The following CNTN6 variants were observed in gnomAD, a reference collection of about 807,000 sequenced individuals.
The protein encoded by CNTN6 is contactin-6.
In CNTN6, 137 loss-of-function variants were observed where a neutral mutation model predicts 122.8. The ratio of observed to expected loss-of-function variants is 1.12; its 90% confidence interval spans 0.97 to 1.29. The LOEUF (loss-of-function observed/expected upper bound fraction) is 1.29, where lower values mean the gene tolerates loss of function less well. Ranked by LOEUF, CNTN6 falls within the 50% of genes most tolerant of loss-of-function variation. The pLI is 0.00. For synonymous variants in CNTN6, 570 were observed against 426.0 expected (o/e 1.34, Z -4.16); for missense variants, 1,634 against 1,223.4 (o/e 1.34, Z -5.01).
intron 1 of CNTN6, among the ~76,000 whole-genome samples, chr3:1,145,043 A>G (rs79982201): frequency 0.032 from 4,929 of 152,210 alleles, 124 homozygotes; most frequent in Admixed American, 0.046. Context: ...ATTTGGGTCT[A>G]TGTGTATTAT....
intron 2 of CNTN6, among the ~76,000 whole-genome samples, chr3:1,158,508 C>T (rs1398327037): frequency 1.3e-5 from 2 of 151,908 alleles, no homozygotes; most frequent in Non-Finnish European, 2.9e-5. Flanking sequence ...TTGATTGTTT[C>T]CTTTTCTATA....
chr3:1,351,439 T>C (rs1575818066), intron 11 of CNTN6, among the ~76,000 whole-genome samples: 1 of 151,912 alleles, frequency 6.6e-6, no homozygotes, highest in African/African-American at 2.4e-5. Context: ...GTAACTACAT[T>C]TGTAAGATAT....
chr3:1,186,245 C>T (rs950742751), intron 2 of CNTN6, among the ~76,000 whole-genome samples: 3 of 152,074 alleles, frequency 2.0e-5, no homozygotes, highest in African/African-American at 4.8e-5. Context: ...GCTGATGTTA[C>T]CAAGGGTTAC....
At chr3:1,294,078 C>G (rs963217090) in intron 5 of CNTN6, among the ~76,000 whole-genome samples, 10 of 152,102 alleles carry the variant, frequency 6.6e-5, no homozygotes, top group African/African-American at 2.4e-4. Context: ...ACACTTACAT[C>G]TACATTATGG....
At chr3:1,401,750 A>G (rs969197548) in intron 21 of CNTN6, among the ~76,000 whole-genome samples, 29 of 152,166 alleles carry the variant, frequency 1.9e-4, no homozygotes, top group African/African-American at 6.7e-4. Context: ...GGGAACATCA[A>G]TAAATCAAAT....
intron 11 of CNTN6, among the ~76,000 whole-genome samples, chr3:1,342,634 C>T (rs537948465): frequency 6.6e-6 from 1 of 152,082 alleles, no homozygotes; most frequent in Admixed American, 6.5e-5. Flanking sequence ...TTGCCTGGAG[C>T]TAGGACAGAG....
At chr3:1,246,734 AG>A (rs2094587811) in intron 4 of CNTN6, among the ~76,000 whole-genome samples, 1 of 152,156 alleles carries the variant, frequency 6.6e-6, no homozygotes, top group Non-Finnish European at 1.5e-5. Context: ...GATAGTAAAA[AG>A]TATCTCATTT....
chr3:1,183,410 T>C (rs1436250097), intron 2 of CNTN6, among the ~76,000 whole-genome samples: 1 of 152,036 alleles, frequency 6.6e-6, no homozygotes, highest in East Asian at 1.9e-4. Context: ...ATGGATTGAT[T>C]AGAGGCCAGG....
intron 5 of CNTN6, among the ~76,000 whole-genome samples, chr3:1,284,167 T>C (rs115714575): frequency 0.021 from 3,216 of 152,338 alleles, 124 homozygotes; most frequent in African/African-American, 0.072. Flanking sequence ...TCTGTGTCTG[T>C]AGCAGGAAGA....
chr3:1,400,657 G>C (rs911410947), intron 20 of CNTN6, among the ~76,000 whole-genome samples: 1 of 152,104 alleles, frequency 6.6e-6, no homozygotes, highest in East Asian at 1.9e-4. Flanking sequence ...ATTAAGCTAA[G>C]ATAGACATAC....
chr3:1,174,389 A>T (rs1358025718), intron 2 of CNTN6, among the ~76,000 whole-genome samples: 1 of 152,192 alleles, frequency 6.6e-6, no homozygotes, highest in Non-Finnish European at 1.5e-5. Flanking sequence ...ATACAAAGGT[A>T]TAGAGGAGGT....
chr3:1,338,961 G>T (rs1326660877), intron 11 of CNTN6, among the ~76,000 whole-genome samples: 1 of 151,878 alleles, frequency 6.6e-6, no homozygotes, highest in Non-Finnish European at 1.5e-5. Flanking sequence ...AAAAAGCATT[G>T]CTGTCTATGA....
chr3:1,250,881 G>A (rs1447414304), intron 4 of CNTN6, among the ~76,000 whole-genome samples: 3 of 152,046 alleles, frequency 2.0e-5, no homozygotes, highest in Admixed American at 2.0e-4. Context: ...AGGTCTGTCA[G>A]TAGGGATAGA....
intron 1 of CNTN6, among the ~76,000 whole-genome samples, chr3:1,101,776 G>C (rs2090910379): frequency 6.6e-6 from 1 of 152,188 alleles, no homozygotes; most frequent in African/African-American, 2.4e-5. Context: ...GGGAGCTCTA[G>C]AATTTAGTTA....
chr3:1,328,360 T>G (rs914703235), intron 10 of CNTN6, among the ~76,000 whole-genome samples: 1 of 151,824 alleles, frequency 6.6e-6, no homozygotes, highest in African/African-American at 2.4e-5. Flanking sequence ...CCCAAGGGTT[T>G]CTTAGTGGTA....
chr3:1,358,696 C>A (rs1056735758), intron 12 of CNTN6, among the ~76,000 whole-genome samples: 1 of 151,924 alleles, frequency 6.6e-6, no homozygotes, highest in African/African-American at 2.4e-5. Context: ...TCCCTCATCC[C>A]AACATGAAAC....
chr3:1,304,818 C>A (rs1185356226), intron 7 of CNTN6, among the ~76,000 whole-genome samples: 1 of 151,254 alleles, frequency 6.6e-6, no homozygotes, highest in Admixed American at 6.6e-5. Context: ...AAGGTGAAAC[C>A]CCCTTATCTA....
intron 1 of CNTN6, among the ~76,000 whole-genome samples, chr3:1,128,660 G>T (rs934047320): frequency 6.6e-6 from 1 of 151,936 alleles, no homozygotes; most frequent in Non-Finnish European, 1.5e-5. Context: ...GAGAAATAAA[G>T]TCACTATTCA....
At chr3:1,381,032 A>C (rs1691794971) in intron 17 of CNTN6, among the ~76,000 whole-genome samples, 1 of 152,182 alleles carries the variant, frequency 6.6e-6, no homozygotes, top group East Asian at 1.9e-4. Context: ...GTATCTAAAT[A>C]AGTCTCTTTT....
Sources: gnomAD v4.1 joint callset for allele counts (sites outside exome capture counted in the v4.1 genomes callset) on GRCh38, gnomAD v4.1.1 for gene constraint, MANE v1.5 for transcripts, NCBI Gene and HGNC (gene_info 2026-07-23, HGNC 2026-07-21) for gene names.